CNBD1: variants seen among roughly 807,000 people sequenced by gnomAD.
CNBD1 encodes cyclic nucleotide-binding domain-containing protein 1.
A neutral mutation model predicts 54.4 loss-of-function variants in CNBD1; 71 were observed. That is an observed-to-expected ratio of 1.30 (90% CI 1.08 to 1.59). The LOEUF (loss-of-function observed/expected upper bound fraction) is 1.59. Ranked by LOEUF, CNBD1 falls within the 40% of genes most tolerant of loss-of-function variation. The pLI is 0.00. For missense variants in CNBD1, 659 were observed against 518.0 expected (o/e 1.27, Z -2.64); for synonymous variants, 182 against 170.7 (o/e 1.07, Z -0.51).
Position 86,908,469 on chromosome 8 carries a change from CACTCAGGTTTT to C in CNBD1, c.272+3282_272+3292del, listed in dbSNP as rs1214895103. Among the ~76,000 whole-genome samples the C allele has an allele frequency of 5.9e-5, 9 of 152,276 alleles. No individual in the cohort carries two copies. In the East Asian group the frequency reaches 1.5e-3, roughly 26 times the overall value. ...TTGAAGAAAGAAGTCTGTTAACTCACACTCAGGTTTTACTCAGAAAAGGGCAGACAATATTA... is the reference window on the plus strand; with the variant it reads ...TTGAAGAAAGAAGTCTGTTAACTCACACTCAGAAAAGGGCAGACAATATTA... On this transcript the variant is annotated intron_variant, in intron 3 of 10. Transcript: ENST00000518476.
chr8:87,191,203 C>G (rs576804433), intron 4 of CNBD1, among the ~76,000 whole-genome samples: 2 of 152,134 alleles, frequency 1.3e-5, no homozygotes, highest in African/African-American at 4.8e-5. Context: ...CAGGAAGATG[C>G]TGGTGCAAGT....
chr8:87,020,949 G>A (rs1380550139), intron 4 of CNBD1, among the ~76,000 whole-genome samples: 1 of 152,130 alleles, frequency 6.6e-6, no homozygotes, highest in Non-Finnish European at 1.5e-5. Flanking sequence ...TCTTTAACCT[G>A]AACATTCCTC....
intron 4 of CNBD1, among the ~76,000 whole-genome samples, chr8:87,027,381 C>T (rs909504445): frequency 2.6e-5 from 4 of 152,128 alleles, no homozygotes; most frequent in Non-Finnish European, 5.9e-5. Context: ...AAGTGATTTT[C>T]CTGCCTCAGC....
rs150462192 is a variant in CNBD1, at chr8:87,075,353, G to A, written c.432-130640G>A. Among the ~76,000 whole-genome samples the A allele has an allele frequency of 2.4e-3, 360 of 152,114 alleles. 1 individual carries two copies. Among genetic ancestry groups the A allele is most frequent in the African/African-American group, 7.9e-3 (327 of 41,488 alleles). ...TAGTTTTTTTCTAAACAAAGAAATC[G>A]ATCCCACTGGTCTTAAAGCTCAAAA... is the stretch of plus-strand genomic sequence containing the variant. On this transcript the variant is annotated intron_variant, in intron 4 of 10. Transcript: ENST00000518476.
chr8:87,134,694 C>A (rs990840182), intron 4 of CNBD1, among the ~76,000 whole-genome samples: 3 of 149,670 alleles, frequency 2.0e-5, no homozygotes, highest in Non-Finnish European at 4.4e-5. Context: ...GCTCCGCCTC[C>A]TGGGTTCACA....
chr8:87,232,659 C>T (rs927032719), intron 5 of CNBD1, among the ~76,000 whole-genome samples: 7 of 152,016 alleles, frequency 4.6e-5, no homozygotes, highest in Non-Finnish European at 7.4e-5. Flanking sequence ...AAATACTTGT[C>T]AATGTTGTGT....
At chr8:87,266,419 A>C (rs1294244238) in intron 6 of CNBD1, among the ~76,000 whole-genome samples, 2 of 121,646 alleles carry the variant, frequency 1.6e-5, no homozygotes, top group African/African-American at 5.6e-5. Flanking sequence ...ATGAGGTCCA[A>C]GTAAAAAAAA....
chr8:86,926,126 G>A (rs887999922), intron 3 of CNBD1, among the ~76,000 whole-genome samples: 3 of 152,056 alleles, frequency 2.0e-5, no homozygotes, highest in Non-Finnish European at 4.4e-5. Context: ...AGCGCTGATT[G>A]GTGCATTTTA....
At position 87,248,070 on chromosome 8, in the gene CNBD1, TG is replaced by T. The variant is rs538912008; in HGVS notation, c.771+10960del. Among the ~76,000 whole-genome samples the T allele has an allele frequency of 4.6e-3, 706 of 152,276 alleles. 3 individuals are homozygous for T. Among genetic ancestry groups the T allele is most frequent in the Non-Finnish European group, 7.1e-3 (480 of 68,020 alleles). ...AAAGACTTTAATTGTTCTGCAGCTG[TG>T]GTGTTGTTGGTTGGCCAAAAAATTG... On this transcript the variant is annotated intron_variant, in intron 6 of 10. Transcript: ENST00000518476.
intron 8 of CNBD1, among the ~76,000 whole-genome samples, chr8:87,342,192 GA>G (rs2130920121): frequency 6.6e-6 from 1 of 150,832 alleles, no homozygotes; most frequent in Non-Finnish European, 1.5e-5. Context: ...AGAATGGCCA[GA>G]ACCCAGGAGG....
chr8:87,402,499 A>T (rs1807583637), intron 2 of CNBD1, among the ~76,000 whole-genome samples: 1 of 152,062 alleles, frequency 6.6e-6, no homozygotes, highest in Non-Finnish European at 1.5e-5. Context: ...GGTGTTTTTG[A>T]ATAGGTTTTC....
At chr8:87,136,397 G>A (rs976518241) in intron 4 of CNBD1, among the ~76,000 whole-genome samples, 5 of 149,008 alleles carry the variant, frequency 3.4e-5, no homozygotes, top group Non-Finnish European at 1.5e-5. Flanking sequence ...GGAAGATACA[G>A]GTAGATTTTT....
In CNBD1 at chr8:87,336,802, T is replaced by C. The variant is rs189449915; in HGVS notation, c.1043-14883T>C. 5.4e-3 allele frequency among the ~76,000 whole-genome samples: 817 copies of C among 152,284 alleles called. 6 individuals carry two copies. Among genetic ancestry groups the C allele is most frequent in the African/African-American group, 0.019 (773 of 41,544 alleles). ...TGGCCTTTTGGATTTTCAGTGTTTTTTCATTGATTCTTTCTCATCTTTTTG... is the reference window on the plus strand; with the variant it reads ...TGGCCTTTTGGATTTTCAGTGTTTTCTCATTGATTCTTTCTCATCTTTTTG... On this transcript the variant is annotated intron_variant, in intron 8 of 10. Coordinates refer to ENST00000518476, the MANE Select transcript of CNBD1 (RefSeq NM_173538.3).
intron 4 of CNBD1, among the ~76,000 whole-genome samples, chr8:86,985,332 C>A (rs1362752168): frequency 6.6e-6 from 1 of 152,124 alleles, no homozygotes; most frequent in Admixed American, 6.6e-5. Context: ...TTATTGATCT[C>A]ATTACCCAGG....
chr8:87,196,820 C>G (rs1813731854), intron 4 of CNBD1, among the ~76,000 whole-genome samples: 1 of 152,180 alleles, frequency 6.6e-6, no homozygotes, highest in Non-Finnish European at 1.5e-5. Context: ...ACTGAAATGC[C>G]TGAAATCTCT....
chr8:87,385,005 T>TGATGA (rs1301546652), downstream of CNBD1, among the ~76,000 whole-genome samples: 31 of 152,196 alleles, frequency 2.0e-4, 1 homozygote, highest in Admixed American at 3.9e-4. Context: ...AGGCATGAGA[T>TGATGA]GATGAGATGA....
chr8:87,234,128 T>G, intron 5 of CNBD1, among the ~76,000 whole-genome samples: 1 of 152,158 alleles, frequency 6.6e-6, no homozygotes, highest in Admixed American at 6.5e-5. Context: ...TACTTTTAAT[T>G]CTAGTTATCT....
At chr8:87,029,924 C>T (rs1313089850) in intron 4 of CNBD1, among the ~76,000 whole-genome samples, 9 of 152,168 alleles carry the variant, frequency 5.9e-5, no homozygotes, top group South Asian at 2.1e-4. Flanking sequence ...GGCACATATA[C>T]GTGTGTTCAG....
At chr8:87,281,012 CT>C (rs1808588958) in intron 6 of CNBD1, among the ~76,000 whole-genome samples, 1 of 151,342 alleles carries the variant, frequency 6.6e-6, no homozygotes, top group African/African-American at 2.4e-5. Context: ...AAGTAAATAG[CT>C]TTATAGTGTT....
Sources: allele counts gnomAD v4.1 joint callset (sites outside exome capture counted in the v4.1 genomes callset), GRCh38; gene constraint gnomAD v4.1.1; transcripts MANE v1.5; gene names NCBI Gene and HGNC (gene_info 2026-07-23, HGNC 2026-07-21).